Variants in CCDC178 observed in about 807,000 individuals in gnomAD.
The protein encoded by CCDC178 is coiled-coil domain-containing protein 178.
In CCDC178, 126 loss-of-function variants were observed where a neutral mutation model predicts 117.4. The observed-to-expected ratio is 1.07, with a 90% CI of 0.93 to 1.24. The LOEUF (loss-of-function observed/expected upper bound fraction) is 1.24, where lower values mean the gene tolerates loss of function less well. CCDC178 is among the 50% of genes most tolerant of loss of function. The pLI, the probability that CCDC178 is intolerant of heterozygous loss-of-function variation, is 0.00. For synonymous variants in CCDC178, 283 were observed against 313.4 expected, an observed-to-expected ratio of 0.90 and a Z score of 1.02; for missense variants, 1,030 against 986.9, an observed-to-expected ratio of 1.04 and a Z score of -0.59.
chr18:33,122,930 TA>T (rs1422084858), intron 20 of CCDC178, among the ~76,000 whole-genome samples: 1 of 152,124 alleles, frequency 6.6e-6, no homozygotes, highest in East Asian at 1.9e-4. Flanking sequence ...GCTACAGAAA[TA>T]GCTCCCATTT....
intron 20 of CCDC178, among the ~76,000 whole-genome samples, chr18:33,121,312 C>T (rs1326497881): frequency 6.6e-6 from 1 of 152,114 alleles, no homozygotes; most frequent in Non-Finnish European, 1.5e-5. Flanking sequence ...TGCCCAATAG[C>T]TTCAGCTTGT....
chr18:33,279,507 C>T (rs572773430), intron 12 of CCDC178, among the ~76,000 whole-genome samples: 3 of 152,174 alleles, frequency 2.0e-5, no homozygotes, highest in South Asian at 2.1e-4. Context: ...GAATCAATAT[C>T]GTGAAAATGA....
intron 20 of CCDC178, among the ~76,000 whole-genome samples, chr18:33,205,713 G>C (rs2059038040): frequency 6.6e-6 from 1 of 152,176 alleles, no homozygotes. Context: ...TTATTTATTT[G>C]AGATACGTGT....
intron 4 of CCDC178, among the ~76,000 whole-genome samples, chr18:33,396,137 G>GA (rs1298974641): frequency 6.6e-6 from 1 of 151,762 alleles, no homozygotes. Flanking sequence ...TAGAAAATTA[G>GA]AAAAAAGATT....
At chr18:33,412,971 C>T (rs986678623) in intron 2 of CCDC178, among the ~76,000 whole-genome samples, 5 of 152,116 alleles carry the variant, frequency 3.3e-5, no homozygotes, top group Admixed American at 3.3e-4. Flanking sequence ...TTCCACATCG[C>T]TAACAACCTC....
chr18:33,378,481 A>C (rs1199289029), intron 5 of CCDC178, among the ~76,000 whole-genome samples: 1 of 152,092 alleles, frequency 6.6e-6, no homozygotes, highest in Admixed American at 6.6e-5. Flanking sequence ...ACTATGTTGA[A>C]TAGTAGTCAG....
chr18:33,250,771 CA>C (rs1324060294), intron 14 of CCDC178, among the ~76,000 whole-genome samples: 1 of 151,292 alleles, frequency 6.6e-6, no homozygotes, highest in East Asian at 1.9e-4. Flanking sequence ...ATTTCAGTAC[CA>C]AAACCCAACA....
At chr18:33,135,744 T>C (rs564826541) in intron 20 of CCDC178, among the ~76,000 whole-genome samples, 1 of 152,290 alleles carries the variant, frequency 6.6e-6, no homozygotes, top group East Asian at 1.9e-4. Flanking sequence ...CTGCCTAATT[T>C]CAACAATTTT....
chr18:33,128,695 G>C (rs2144246208), intron 20 of CCDC178, among the ~76,000 whole-genome samples: 1 of 152,252 alleles, frequency 6.6e-6, no homozygotes, highest in South Asian at 2.1e-4. Context: ...AGGTAATAAA[G>C]TCCCTAAGGA....
At chr18:33,009,042 G>C (rs902303746) in intron 21 of CCDC178, among the ~76,000 whole-genome samples, 1 of 151,904 alleles carries the variant, frequency 6.6e-6, no homozygotes, top group Non-Finnish European at 1.5e-5. Flanking sequence ...AAATCATCCT[G>C]GTATCATTCT....
intron 21 of CCDC178, among the ~76,000 whole-genome samples, chr18:33,015,067 C>T (rs1376596932): frequency 1.3e-5 from 2 of 151,354 alleles, no homozygotes; most frequent in Admixed American, 6.6e-5. Flanking sequence ...ACCAGCCTGG[C>T]CAACATGGTG....
chr18:32,945,891 A>G (rs926641655), intron 22 of CCDC178, among the ~76,000 whole-genome samples: 4 of 152,130 alleles, frequency 2.6e-5, no homozygotes, highest in African/African-American at 9.7e-5. Flanking sequence ...ATTGGGCCCA[A>G]TTTTAAGTGG....
intron 12 of CCDC178, among the ~76,000 whole-genome samples, chr18:33,289,691 C>T (rs888382460): frequency 2.6e-5 from 4 of 151,884 alleles, no homozygotes; most frequent in Admixed American, 6.6e-5. Context: ...GAAAGTCTAA[C>T]GAACAGATAG....
chr18:33,059,889 G>C (rs969265929), intron 21 of CCDC178, among the ~76,000 whole-genome samples: 2 of 152,126 alleles, frequency 1.3e-5, no homozygotes, highest in Non-Finnish European at 2.9e-5. Context: ...AAAGCTATTA[G>C]CCCTCGCATA....
chr18:33,137,242 A>G (rs1289907488), intron 20 of CCDC178, among the ~76,000 whole-genome samples: 5 of 152,214 alleles, frequency 3.3e-5, no homozygotes, highest in African/African-American at 1.2e-4. Flanking sequence ...TTCATTAAGC[A>G]TCTATTATGC....
intron 15 of CCDC178, among the ~76,000 whole-genome samples, chr18:33,227,772 T>C (rs458047): frequency 0.16 from 24,374 of 151,762 alleles, 2,722 homozygotes; most frequent in African/African-American, 0.32. Flanking sequence ...AAATTATGTT[T>C]ACCTCAAGCA....
intron 12 of CCDC178, among the ~76,000 whole-genome samples, chr18:33,278,871 T>A (rs926976333): frequency 1.3e-5 from 2 of 152,160 alleles, no homozygotes; most frequent in Non-Finnish European, 2.9e-5. Flanking sequence ...ATTATCTCAA[T>A]AGATGCAGAA....
intron 21 of CCDC178, among the ~76,000 whole-genome samples, chr18:33,019,883 A>G (rs1598795418): frequency 6.7e-6 from 1 of 150,304 alleles, no homozygotes; most frequent in South Asian, 2.1e-4. Context: ...AACATAGATG[A>G]TCATTCATTT....
At chr18:33,291,665 T>A (rs1261273095) in intron 12 of CCDC178, among the ~76,000 whole-genome samples, 1 of 152,144 alleles carries the variant, frequency 6.6e-6, no homozygotes, top group Non-Finnish European at 1.5e-5. Context: ...AAAAGAAAGC[T>A]TCATCTTCAG....
Sources: allele counts gnomAD v4.1 joint callset (sites outside exome capture counted in the v4.1 genomes callset), GRCh38; gene constraint gnomAD v4.1.1; transcripts MANE v1.5; gene names NCBI Gene and HGNC (gene_info 2026-07-23, HGNC 2026-07-21).